The following MSI2 variants were observed in gnomAD, a reference collection of about 807,000 sequenced individuals.
MSI2 encodes musashi RNA binding protein 2.
In MSI2, 17 loss-of-function variants were observed where a neutral mutation model predicts 45.6. The ratio of observed to expected loss-of-function variants is 0.37; its 90% CI spans 0.26 to 0.56. The LOEUF is 0.56. Ranked by LOEUF, MSI2 falls within the 20% of genes least tolerant of loss-of-function variation. The pLI is 0.77. For synonymous variants in MSI2, 156 were observed against 158.2 expected (o/e 0.99, Z 0.11); for missense variants, 293 against 444.2 (o/e 0.66, Z 3.06).
intron 5 of MSI2, among the ~76,000 whole-genome samples, chr17:57,398,450 TG>T (rs1375857715): frequency 3.3e-5 from 5 of 152,248 alleles, no homozygotes; most frequent in African/African-American, 9.6e-5. Context: ...ATTAAACTAT[TG>T]GGAATCTCTG....
At chr17:57,409,796 C>G (rs1350560804) in intron 6 of MSI2, among the ~76,000 whole-genome samples, 1 of 151,984 alleles carries the variant, frequency 6.6e-6, no homozygotes, top group South Asian at 2.1e-4. Context: ...ATCATGAGGT[C>G]AGGAGTTCGA....
intron 5 of MSI2, among the ~76,000 whole-genome samples, chr17:57,374,515 G>A (rs80341013): frequency 0.036 from 5,418 of 152,186 alleles, 114 homozygotes; most frequent in Non-Finnish European, 0.041. Flanking sequence ...AGTGGCTCAC[G>A]CCTGTAATCC....
At chr17:57,410,853 A>G (rs2084183302) in intron 6 of MSI2, among the ~76,000 whole-genome samples, 1 of 152,246 alleles carries the variant, frequency 6.6e-6, no homozygotes, top group East Asian at 1.9e-4. Context: ...TGGAATGATC[A>G]GAGACGGGCT....
At chr17:57,392,705 T>C (rs2083817072) in intron 5 of MSI2, among the ~76,000 whole-genome samples, 1 of 152,180 alleles carries the variant, frequency 6.6e-6, no homozygotes. Context: ...AATATTGTTA[T>C]ACCTTTTTCC....
intron 5 of MSI2, among the ~76,000 whole-genome samples, chr17:57,296,503 T>C (rs368569289): frequency 3.3e-5 from 5 of 152,268 alleles, no homozygotes; most frequent in Admixed American, 1.3e-4. Context: ...GAAGATCGTG[T>C]CAAAGATTGC....
chr17:57,491,274 G>A (rs961449526), intron 6 of MSI2, among the ~76,000 whole-genome samples: 3 of 152,238 alleles, frequency 2.0e-5, no homozygotes, highest in African/African-American at 7.2e-5. Context: ...GCCCGGCAGA[G>A]GCATTGGAGA....
chr17:57,418,735 C>T (rs1021429089), intron 6 of MSI2, among the ~76,000 whole-genome samples: 24 of 152,150 alleles, frequency 1.6e-4, no homozygotes, highest in Admixed American at 1.4e-3. Context: ...CTTTATGCGA[C>T]GGGTCCTTGA....
At chr17:57,273,322 G>A (rs1031699348) in intron 5 of MSI2, among the ~76,000 whole-genome samples, 3 of 152,042 alleles carry the variant, frequency 2.0e-5, no homozygotes, top group Admixed American at 1.3e-4. Context: ...GTACTAATAG[G>A]GGTAGTAAAG....
chr17:57,651,475 G>A (rs775984195), intron 10 of MSI2, among the ~76,000 whole-genome samples: 19 of 152,050 alleles, frequency 1.2e-4, no homozygotes, highest in Non-Finnish European at 1.8e-4. Context: ...GGCTCCATGT[G>A]TATGCAATCA....
intron 6 of MSI2, among the ~76,000 whole-genome samples, chr17:57,492,716 C>T (rs1320936064): frequency 6.6e-6 from 1 of 152,180 alleles, no homozygotes; most frequent in Non-Finnish European, 1.5e-5. Context: ...TCTCCTGCCT[C>T]AGCCTCCCAA....
At chr17:57,669,790 A>G (rs975751132) in intron 11 of MSI2, among the ~76,000 whole-genome samples, 1 of 152,090 alleles carries the variant, frequency 6.6e-6, no homozygotes, top group African/African-American at 2.4e-5. Flanking sequence ...TCTGAATTGG[A>G]CTTGGCAAAG....
intron 7 of MSI2, among the ~76,000 whole-genome samples, chr17:57,533,116 T>A (rs889752497): frequency 6.6e-6 from 1 of 152,186 alleles, no homozygotes. Flanking sequence ...ACCCCACTGG[T>A]CACCTCCTGT....
chr17:57,630,766 C>G (rs965306246), intron 10 of MSI2: 17 of 152,308 alleles, frequency 1.1e-4, no homozygotes, highest in African/African-American at 2.9e-4. Flanking sequence ...CTGAGCCCCT[C>G]TAGAACCAAA....
At position 57,681,819 on chromosome 17, in the gene MSI2, T is replaced by A. The variant is rs562644130; in HGVS notation, c.*2302T>A. 1.3e-4 allele frequency: 23 copies of A among 173,914 alleles called. No homozygotes were observed. Among genetic ancestry groups the A allele is most frequent in the South Asian group, 4.2e-4 (2 of 4,772 alleles). The allele number at this position is 173,914 out of a possible 1,614,324, so 10.8% of individuals were successfully genotyped here. The stretch of plus-strand genomic sequence containing the variant: ...AAAACAACAAAACATAAGTTTTATT[T>A]AAAAAAAAAAAAAGAAAGAAAAAAT... On this transcript the variant is annotated 3_prime_UTR_variant, in exon 14 of 14. Transcript: ENST00000284073.
At chr17:57,330,058 A>G (rs1239277656) in intron 5 of MSI2, among the ~76,000 whole-genome samples, 1 of 152,052 alleles carries the variant, frequency 6.6e-6, no homozygotes, top group Non-Finnish European at 1.5e-5. Context: ...TTGTTGTTGA[A>G]TAATGACTTG....
rs754396763 is a variant in MSI2, at chr17:57,257,084, T to C, written c.63-14T>C. 14 of 1,598,312 alleles carry C rather than the reference T, an allele frequency of 8.8e-6. 1 individual carries two copies. The highest frequency in any genetic ancestry group is 3.4e-5 in the Admixed American group (2 of 59,070). ...GACATCGGTGCTCACTTCTGTTATG[T>C]TTTCTCCCTCTAGTAAAATGTTTAT... On this transcript the variant is annotated splice_polypyrimidine_tract_variant and intron_variant, in intron 1 of 13. Transcript: ENST00000284073.
chr17:57,644,267 G>A (rs1382095171), intron 10 of MSI2, among the ~76,000 whole-genome samples: 2 of 122,256 alleles, frequency 1.6e-5, no homozygotes, highest in Admixed American at 9.3e-5. Context: ...AAATCAAAAT[G>A]TGACAGTCTG....
At chr17:57,600,282 T>C (rs964273071) in intron 8 of MSI2, among the ~76,000 whole-genome samples, 1 of 152,198 alleles carries the variant, frequency 6.6e-6, no homozygotes, top group African/African-American at 2.4e-5. Context: ...CTCGCAATCT[T>C]TCTGGGTATT....
At chr17:57,415,203 T>C (rs2084271398) in intron 6 of MSI2, among the ~76,000 whole-genome samples, 1 of 152,132 alleles carries the variant, frequency 6.6e-6, no homozygotes, top group Non-Finnish European at 1.5e-5. Flanking sequence ...CGTCTTGTGA[T>C]CAGCCAGGGT....
Sources: gnomAD v4.1 joint callset for allele counts (sites outside exome capture counted in the v4.1 genomes callset) on GRCh38, gnomAD v4.1.1 for gene constraint, MANE v1.5 for transcripts, NCBI Gene and HGNC (gene_info 2026-07-23, HGNC 2026-07-21) for gene names.